Variants in SCML2 observed in about 807,000 individuals in gnomAD.
The protein encoded by SCML2 is sex comb on midleg-like protein 2.
Under a neutral mutation model 48.4 loss-of-function variants are expected in SCML2, and 6 were observed. The observed-to-expected ratio is 0.12, with a 90% CI of 0.07 to 0.24. The LOEUF (loss-of-function observed/expected upper bound fraction) is 0.24. SCML2 is among the 10% of genes least tolerant of loss of function. SCML2 has a pLI of 1.00. For synonymous variants in SCML2, 181 were observed against 189.5 expected, an observed-to-expected ratio of 0.95 and a Z score of 0.37; for missense variants, 377 against 528.2, an observed-to-expected ratio of 0.71 and a Z score of 2.81.
chrX:18,324,647 G>C (rs939254276), intron 4 of SCML2, among the ~76,000 whole-genome samples: 4 of 112,019 alleles, frequency 3.6e-5, no homozygotes, highest in Non-Finnish European at 7.5e-5. Context: ...GCTCCTGTGA[G>C]CCCTTCCAGT....
intron 6 of SCML2, among the ~76,000 whole-genome samples, chrX:18,312,978 CG>C (rs1928999761): frequency 1.1e-5 from 1 of 94,995 alleles, no homozygotes; most frequent in African/African-American, 3.8e-5. Flanking sequence ...AATGGGTGTG[CG>C]TGTGTGTGTG....
chrX:18,313,010 CGT>C (rs72363939), intron 6 of SCML2, among the ~76,000 whole-genome samples: 2,069 of 105,090 alleles, frequency 0.02, 36 homozygotes, highest in African/African-American at 0.055. Flanking sequence ...TGTGTGTGCG[CGT>C]GTGTGTGTGT....
intron 1 of SCML2, chrX:18,341,293 C>T (rs1377864609): frequency 2.6e-5 from 14 of 531,334 alleles, no homozygotes; most frequent in Non-Finnish European, 3.5e-5. Context: ...TGCAGGAGAA[C>T]ACCCTGCTGA....
intron 7 of SCML2, among the ~76,000 whole-genome samples, chrX:18,268,946 T>A (rs1479113652): frequency 9.0e-6 from 1 of 111,130 alleles, no homozygotes; most frequent in Non-Finnish European, 1.9e-5. Flanking sequence ...TACTTTCACA[T>A]ATCCCTTATT....
chrX:18,330,620 T>C lies in SCML2; in HGVS notation c.58A>G (p.Thr20Ala). 8.5e-7 allele frequency: 1 copy of C among 1,174,150 alleles called. No homozygotes were observed. Among genetic ancestry groups the C allele is most frequent in the South Asian group, 2.0e-5 (1 of 51,198 alleles). Residue 20 changes from threonine to alanine, a missense_variant, in exon 3 of 15, where the codon ACT (threonine) becomes GCT (alanine). By Grantham distance (58) the Thr-to-Ala change is moderately conservative. Around this residue, in one of 3 missense-constraint regions of SCML2, gnomAD observed 61 missense variants for 59.9 expected, o/e 1.02. Coordinates refer to ENST00000251900, the MANE Select transcript of SCML2 (RefSeq NM_006089.3). ...ACAGAAGATGTACTTGACTGAGGAG[T>C]TTTCTCTTGATTCTCCTTCTTGACA... ...MDVKKENQEKTPQSSTSSVQR... is the reference protein window; with the variant it reads ...MDVKKENQEKAPQSSTSSVQR...
intron 7 of SCML2, among the ~76,000 whole-genome samples, chrX:18,275,451 G>A (rs763876277): frequency 3.9e-4 from 44 of 112,362 alleles, no homozygotes; most frequent in African/African-American, 1.2e-3. Context: ...GGCAAACATA[G>A]GACCATGATG....
intron 3 of SCML2, among the ~76,000 whole-genome samples, 176 bp from the exon 4 acceptor site, chrX:18,325,153 A>G (rs2147544522): frequency 9.0e-6 from 1 of 111,526 alleles, no homozygotes; most frequent in East Asian, 2.8e-4. Context: ...GACCAGCATA[A>G]AAATAAAAAA....
chrX:18,325,855 T>C (rs1334988400), intron 3 of SCML2, among the ~76,000 whole-genome samples: 1 of 112,174 alleles, frequency 8.9e-6, no homozygotes, highest in Non-Finnish European at 1.9e-5. Flanking sequence ...AATATTGGGT[T>C]TGACAGTTCT....
chrX:18,296,329 G>A (rs1235591864), intron 7 of SCML2, among the ~76,000 whole-genome samples: 2 of 108,165 alleles, frequency 1.8e-5, no homozygotes, highest in African/African-American at 3.4e-5. Context: ...AAATTCCTTT[G>A]AGAGCTTCAC....
chrX:18,281,086 G>A (rs773508283), intron 7 of SCML2, among the ~76,000 whole-genome samples: 1 of 84,407 alleles, frequency 1.2e-5, no homozygotes, highest in Non-Finnish European at 2.3e-5. Flanking sequence ...TTCTAAAATC[G>A]ACCACACACT....
At chrX:18,319,534 T>G (rs1929240148) in intron 6 of SCML2, among the ~76,000 whole-genome samples, 1 of 103,002 alleles carries the variant, frequency 9.7e-6, no homozygotes, top group East Asian at 3.0e-4. Context: ...GAGGCAGAGG[T>G]TGCAGTGAGC....
At chrX:18,291,913 A>C (rs993081884) in intron 7 of SCML2, among the ~76,000 whole-genome samples, 22 of 111,859 alleles carry the variant, frequency 2.0e-4, no homozygotes, top group African/African-American at 6.5e-4. Flanking sequence ...AGTTAAAAAA[A>C]CTTTAACATT....
chrX:18,285,690 T>C (rs905249068), intron 7 of SCML2, among the ~76,000 whole-genome samples: 5 of 111,605 alleles, frequency 4.5e-5, no homozygotes, highest in Non-Finnish European at 1.9e-5. Flanking sequence ...AAATAATAAG[T>C]CCATGTTTAG....
intron 1 of SCML2, among the ~76,000 whole-genome samples, chrX:18,351,947 C>A (rs1021055446): frequency 1.8e-5 from 2 of 111,524 alleles, no homozygotes; most frequent in African/African-American, 6.5e-5. Context: ...ACTTTACCAT[C>A]ATTAATTATT....
intron 7 of SCML2, among the ~76,000 whole-genome samples, chrX:18,295,449 C>A (rs1243267407): frequency 8.9e-6 from 1 of 112,278 alleles, no homozygotes; most frequent in East Asian, 2.8e-4. Flanking sequence ...TGGCACATAC[C>A]CGTTGGGGGC....
At chrX:18,272,292 CTTATTT>C (rs918416803) in intron 7 of SCML2, among the ~76,000 whole-genome samples, 1 of 112,100 alleles carries the variant, frequency 8.9e-6, no homozygotes, top group Non-Finnish European at 1.9e-5. Flanking sequence ...TGTTTATTTC[CTTATTT>C]TCAGCAACAA....
intron 7 of SCML2, among the ~76,000 whole-genome samples, chrX:18,289,565 C>T (rs1928164149): frequency 8.9e-6 from 1 of 111,738 alleles, no homozygotes; most frequent in Non-Finnish European, 1.9e-5. Context: ...CAGAAGCCTT[C>T]TAGTGGGACT....
chrX:18,301,668 G>C (rs781317808), intron 7 of SCML2, among the ~76,000 whole-genome samples: 35 of 110,887 alleles, frequency 3.2e-4, no homozygotes, highest in Non-Finnish European at 6.4e-4. Flanking sequence ...AGCTACTGGC[G>C]AGGCTGAGGC....
At chrX:18,312,495 ATATTTTTTTCACTT>A (rs1928983834) in intron 6 of SCML2, among the ~76,000 whole-genome samples, 1 of 111,194 alleles carries the variant, frequency 9.0e-6, no homozygotes, top group Non-Finnish European at 1.9e-5. Flanking sequence ...CTGTTATACT[ATATTTTTTTCACTT>A]GTACTATTTT....
Sources: gnomAD v4.1 joint callset for allele counts (sites outside exome capture counted in the v4.1 genomes callset) on GRCh38, gnomAD v4.1.1 for gene constraint, gnomAD v4.1.1 regional missense constraint, MANE v1.5 for transcripts, NCBI Gene and HGNC (gene_info 2026-07-23, HGNC 2026-07-21) for gene names.